The following CERS6 variants were observed in gnomAD, a reference collection of about 807,000 sequenced individuals.
The protein encoded by CERS6 is ceramide synthase 6.
A neutral mutation model predicts 56.8 loss-of-function variants in CERS6; 26 were observed. The observed-to-expected ratio is 0.46, with a 90% CI of 0.34 to 0.63. The LOEUF (loss-of-function observed/expected upper bound fraction) is 0.63, where lower values mean the gene tolerates loss of function less well. Ranked by LOEUF, CERS6 falls within the 30% of genes least tolerant of loss-of-function variation. The pLI is 0.01. For synonymous variants in CERS6, 164 were observed against 173.3 expected, an observed-to-expected ratio of 0.95 and a Z score of 0.42; for missense variants, 415 against 467.5, an observed-to-expected ratio of 0.89 and a Z score of 1.04.
chr2:168,581,145 A>C (rs1683397445), intron 3 of CERS6, among the ~76,000 whole-genome samples: 3 of 151,856 alleles, frequency 2.0e-5, no homozygotes, highest in Non-Finnish European at 4.4e-5. Flanking sequence ...CAGCTTCCCA[A>C]GTAGCTGGGA....
rs79280168 is a variant in CERS6, at chr2:168,564,524, A to G, written c.407+3202A>G. ...AAACTTTGGTGATTTTAAGGCAACT[A>G]TAGGATAAATATTAGGTCCCTGAGC... On this transcript the variant is annotated intron_variant, in intron 3 of 9. Transcript: ENST00000305747. 3.0e-3 allele frequency among the ~76,000 whole-genome samples: 461 copies of G among 152,314 alleles called. 3 individuals are homozygous for G. Among genetic ancestry groups the G allele is most frequent in the Middle Eastern group, 0.014 (4 of 294 alleles).
intron 3 of CERS6, among the ~76,000 whole-genome samples, chr2:168,595,321 TC>T (rs1427327167): frequency 1.3e-5 from 2 of 152,236 alleles, no homozygotes; most frequent in African/African-American, 2.4e-5. Context: ...ATATTTTCAG[TC>T]TGAAGAAAGT....
At chr2:168,750,508 C>T (rs1415578169) in intron 8 of CERS6, among the ~76,000 whole-genome samples, 1 of 152,196 alleles carries the variant, frequency 6.6e-6, no homozygotes, top group Non-Finnish European at 1.5e-5. Flanking sequence ...TCATCCTGCA[C>T]ATACTGCTTT....
intron 1 of CERS6, among the ~76,000 whole-genome samples, chr2:168,528,073 C>T (rs1199718180): frequency 6.6e-6 from 1 of 152,086 alleles, no homozygotes; most frequent in East Asian, 1.9e-4. Flanking sequence ...GTAGTGCCCT[C>T]ATGACCTAAA....
chr2:168,584,411 G>A (rs1683492313), intron 3 of CERS6, among the ~76,000 whole-genome samples: 1 of 152,164 alleles, frequency 6.6e-6, no homozygotes, highest in Non-Finnish European at 1.5e-5. Flanking sequence ...ATCTGTTTGT[G>A]TAATATGTGT....
intron 1 of CERS6, among the ~76,000 whole-genome samples, chr2:168,504,502 G>A (rs1241740174): frequency 6.6e-6 from 1 of 152,208 alleles, no homozygotes; most frequent in Non-Finnish European, 1.5e-5. Context: ...GAGAAGGACT[G>A]TGCAGGTGAA....
At chr2:168,736,253 G>C (rs748607199) in intron 8 of CERS6, among the ~76,000 whole-genome samples, 23 of 152,302 alleles carry the variant, frequency 1.5e-4, no homozygotes, top group Non-Finnish European at 3.1e-4. Context: ...TTAAAGCACT[G>C]TATAGCACTG....
In CERS6 at chr2:168,561,251, C is replaced by A. The variant is rs752792437; in HGVS notation, c.336C>A (p.Ser112Arg). The change falls in exon 3 of 10, where the codon AGC becomes AGA. Residue 112 changes from serine (S) to arginine (R), a missense_variant. Coordinates refer to ENST00000305747, the MANE Select transcript of CERS6 (RefSeq NM_203463.3). ...LSKQLDWDVR[S>R]IQRWFRQRRN... ...AGCAACTGGACTGGGATGTTCGAAG[C>A]ATTCAGCGCTGGTTTCGACAAAGAC... 2 of 1,613,958 alleles carry A rather than the reference C, an allele frequency of 1.2e-6. No homozygotes were observed. The highest frequency in any genetic ancestry group is 1.7e-6 in the Non-Finnish European group (2 of 1,179,954).
intron 1 of CERS6, among the ~76,000 whole-genome samples, chr2:168,522,988 A>G (rs998585515): frequency 2.6e-5 from 4 of 152,264 alleles, no homozygotes; most frequent in Non-Finnish European, 5.9e-5. Flanking sequence ...ATTATGTGCC[A>G]GCAATGATAC....
rs55913069 is a variant in CERS6 at position 168,688,415 on chromosome 2, CAAA to C, written c.466-2606_466-2604del. Reference sequence around the variant, plus strand: ...CTGGCGACAAAGTGAGACTCCGTCTCAAAAAAAAAAAAAAAGAAGTTATGCCCA... The same window carrying C: ...CTGGCGACAAAGTGAGACTCCGTCTCAAAAAAAAAAAAGAAGTTATGCCCA... On this transcript the variant is annotated intron_variant, in intron 4 of 9. Coordinates refer to ENST00000305747, the MANE Select transcript of CERS6 (RefSeq NM_203463.3). Among the ~76,000 whole-genome samples, 13 of 135,384 alleles carry C rather than the reference CAAA, an allele frequency of 9.6e-5. No homozygotes were observed. The East Asian group carries it at 1.3e-3, about 14-fold the overall frequency. 88.8% of individuals were successfully genotyped at this position (135,384 alleles called of 152,430 possible). A position where few individuals can be genotyped will look rare whatever the true frequency, so the allele number is the denominator to read the frequency against.
At chr2:168,760,321 A>C (rs1684536891) in intron 8 of CERS6, among the ~76,000 whole-genome samples, 2 of 152,210 alleles carry the variant, frequency 1.3e-5, no homozygotes, top group Admixed American at 6.5e-5. Context: ...AGCATCCAGC[A>C]CGGGAGAAAG....
At chr2:168,725,074 C>T (rs756801225) in intron 8 of CERS6, among the ~76,000 whole-genome samples, 9 of 152,246 alleles carry the variant, frequency 5.9e-5, no homozygotes, top group African/African-American at 9.6e-5. Flanking sequence ...AGCGAGAAAT[C>T]GAGCGCAGCG....
chr2:168,622,850 T>C (rs1684505744), intron 3 of CERS6, among the ~76,000 whole-genome samples: 1 of 152,234 alleles, frequency 6.6e-6, no homozygotes, highest in Admixed American at 6.5e-5. Flanking sequence ...GAGTAACATC[T>C]TTTCCCCTAG....
intron 6 of CERS6, among the ~76,000 whole-genome samples, chr2:168,711,431 C>T (rs1157382408): frequency 6.6e-6 from 1 of 152,150 alleles, no homozygotes; most frequent in Non-Finnish European, 1.5e-5. Context: ...TAACCTGATC[C>T]AGTCTCTTAA....
chr2:168,634,923 T>C (rs969160035), intron 4 of CERS6, among the ~76,000 whole-genome samples: 3 of 152,184 alleles, frequency 2.0e-5, no homozygotes, highest in African/African-American at 7.2e-5. Flanking sequence ...AGTAAATTGA[T>C]CTACTGTTTA....
chr2:168,695,069 G>T lies in CERS6; in HGVS notation c.609+18G>T, dbSNP rs1406792779. ...AAAGAAAGGTAAGAGCGGTTATGTCGTAAAGTGCTTGCAAGCATGCATCTT... is the reference window on the plus strand; with the variant it reads ...AAAGAAAGGTAAGAGCGGTTATGTCTTAAAGTGCTTGCAAGCATGCATCTT... On this transcript the variant is annotated intron_variant, in intron 6 of 9. Transcript: ENST00000305747. 1 of 1,594,004 alleles carries T rather than the reference G, an allele frequency of 6.3e-7. No homozygotes were observed. The highest frequency in any genetic ancestry group is 1.3e-5 in the African/African-American group (1 of 74,512).
At chr2:168,609,285 C>A (rs528615629) in intron 3 of CERS6, among the ~76,000 whole-genome samples, 1 of 152,118 alleles carries the variant, frequency 6.6e-6, no homozygotes. Flanking sequence ...AGTCACCACC[C>A]CTGGCCTCCC....
intron 3 of CERS6, among the ~76,000 whole-genome samples, chr2:168,623,243 C>G (rs971792761): frequency 6.6e-6 from 1 of 152,032 alleles, no homozygotes; most frequent in African/African-American, 2.4e-5. Context: ...TAGTGATTAC[C>G]AGGGATAGGA....
At chr2:168,740,105 G>T (rs1683850238) in intron 8 of CERS6, among the ~76,000 whole-genome samples, 1 of 152,132 alleles carries the variant, frequency 6.6e-6, no homozygotes. Context: ...GGAAAAATTA[G>T]TGCTGAGTCT....
Sources: allele counts gnomAD v4.1 joint callset (sites outside exome capture counted in the v4.1 genomes callset), GRCh38; gene constraint gnomAD v4.1.1; transcripts MANE v1.5; gene names NCBI Gene and HGNC (gene_info 2026-07-23, HGNC 2026-07-21).